Variants in AGPAT3 observed in about 807,000 individuals in gnomAD.
AGPAT3 encodes 1-acylglycerol-3-phosphate O-acyltransferase 3.
AGPAT3 carries 5 observed loss-of-function variants against 47.3 expected under a neutral mutation model. That is an observed-to-expected ratio of 0.11 (90% confidence interval 0.06 to 0.22). The LOEUF is 0.22. Ranked by LOEUF, AGPAT3 falls within the 10% of genes least tolerant of loss-of-function variation. AGPAT3 has a pLI of 1.00. For missense variants in AGPAT3, 315 were observed against 493.0 expected (o/e 0.64, Z 3.42); for synonymous variants, 212 against 208.3 (o/e 1.02, Z -0.15).
At chr21:43,972,884 A>G (rs539243411) in intron 7 of AGPAT3, among the ~76,000 whole-genome samples, 1 of 152,208 alleles carries the variant, frequency 6.6e-6, no homozygotes. Flanking sequence ...CCTCCTTGCC[A>G]CATGTAAAGC....
At chr21:43,887,485 G>C (rs568987448) in intron 1 of AGPAT3, among the ~76,000 whole-genome samples, 2 of 152,218 alleles carry the variant, frequency 1.3e-5, no homozygotes, top group South Asian at 2.1e-4. Context: ...GATGAAGAAG[G>C]CCTTACTCTT....
At chr21:43,940,372 G>A (rs2087614627) in intron 2 of AGPAT3, among the ~76,000 whole-genome samples, 1 of 152,198 alleles carries the variant, frequency 6.6e-6, no homozygotes, top group Admixed American at 6.5e-5. Context: ...CAGTCCTGGG[G>A]GCCTTTACTG....
chr21:43,943,918 G>A (rs560929000), intron 2 of AGPAT3, among the ~76,000 whole-genome samples: 18 of 152,336 alleles, frequency 1.2e-4, no homozygotes, highest in Non-Finnish European at 1.6e-4. Context: ...CTTTCCCGCC[G>A]CATCTTTCAC....
intron 2 of AGPAT3, among the ~76,000 whole-genome samples, chr21:43,909,213 G>A (rs935921874): frequency 6.6e-6 from 1 of 152,140 alleles, no homozygotes; most frequent in Non-Finnish European, 1.5e-5. Context: ...TTCCTCGGAA[G>A]CTACAGGCCC....
chr21:43,884,208 C>A (rs1284637569), intron 1 of AGPAT3, among the ~76,000 whole-genome samples: 1 of 152,056 alleles, frequency 6.6e-6, no homozygotes. Flanking sequence ...CTCCACCACG[C>A]CCTTTGATCT....
At chr21:43,899,710 C>T (rs573346758) in intron 1 of AGPAT3, among the ~76,000 whole-genome samples, 1 of 152,320 alleles carries the variant, frequency 6.6e-6, no homozygotes, top group African/African-American at 2.4e-5. Context: ...GATCACTGGT[C>T]CCCCAGGAGG....
In AGPAT3 at chr21:43,986,566, G is replaced by A. The variant is rs556368645; in HGVS notation, c.*4174G>A. The A allele has an allele frequency of 1.3e-5, 2 of 152,720 alleles. No individual in the cohort carries two copies. The highest frequency in any genetic ancestry group is 4.1e-4 in the South Asian group (2 of 4,828). The allele number at this position is 152,720 out of a possible 1,614,324, so 9.5% of individuals were successfully genotyped here. ...TGCATCTGATCTACTTGTATTTATTGTCTCAGAATTGTACGTTGTGACAAT... is the reference window on the plus strand; with the variant it reads ...TGCATCTGATCTACTTGTATTTATTATCTCAGAATTGTACGTTGTGACAAT... On this transcript the variant is annotated 3_prime_UTR_variant, in exon 10 of 10. Transcript: ENST00000291572.
chr21:43,921,466 C>G (rs1367958646), intron 2 of AGPAT3, among the ~76,000 whole-genome samples: 2 of 152,134 alleles, frequency 1.3e-5, no homozygotes, highest in Admixed American at 1.3e-4. Flanking sequence ...AGCATCCTGA[C>G]CCGGTGGTCA....
Position 43,983,545 on chromosome 21 carries a change from C to T in AGPAT3, c.*1153C>T, listed in dbSNP as rs926025724. 6 of 152,300 alleles carry T rather than the reference C, an allele frequency of 3.9e-5. No homozygotes were observed. The highest frequency in any genetic ancestry group is 5.9e-5 in the Non-Finnish European group (4 of 68,082). The allele number at this position is 152,300 out of a possible 1,614,324, so 9.4% of individuals were successfully genotyped here. The stretch of plus-strand genomic sequence containing the variant: ...CCCTGAGCGCCCAGCTCCCTACCTC[C>T]TGGACGTCTCTGAGAGTCCAGGCAG... On this transcript the variant is annotated 3_prime_UTR_variant, in exon 10 of 10. Coordinates refer to ENST00000291572, the MANE Select transcript of AGPAT3 (RefSeq NM_020132.5).
At chr21:43,967,660 C>G (rs1222452514) in intron 3 of AGPAT3, 1 of 384,136 alleles carries the variant, frequency 2.6e-6, no homozygotes, top group Admixed American at 4.1e-5. Flanking sequence ...CTCGGCCACA[C>G]CAAGGTGCAC....
chr21:43,915,405 C>CCTTTT (rs2086705656), intron 2 of AGPAT3, among the ~76,000 whole-genome samples: 1 of 38,848 alleles, frequency 2.6e-5, no homozygotes, highest in African/African-American at 1.1e-4. Flanking sequence ...TCTTGATTAG[C>CCTTTT]TTTTTTTTTT....
At chr21:43,877,175 T>C (rs887998725) in intron 1 of AGPAT3, among the ~76,000 whole-genome samples, 1 of 152,112 alleles carries the variant, frequency 6.6e-6, no homozygotes, top group Admixed American at 6.6e-5. Context: ...TTTTAACAAT[T>C]GCAAAATGTG....
intron 3 of AGPAT3, among the ~76,000 whole-genome samples, chr21:43,962,980 A>G (rs2838452): frequency 0.2 from 30,571 of 152,154 alleles, 3,472 homozygotes; most frequent in African/African-American, 0.31. Flanking sequence ...ACTTACAGAC[A>G]GGTTTTGTAT....
At chr21:43,871,879 GA>G (rs1366041762) in intron 1 of AGPAT3, among the ~76,000 whole-genome samples, 1 of 152,106 alleles carries the variant, frequency 6.6e-6, no homozygotes, top group African/African-American at 2.4e-5. Context: ...TTGTTTTGGT[GA>G]AAAGATAGTT....
intron 2 of AGPAT3, among the ~76,000 whole-genome samples, chr21:43,923,255 C>A (rs1034179849): frequency 1.3e-5 from 2 of 152,112 alleles, no homozygotes; most frequent in Admixed American, 6.5e-5. Context: ...CTGGGGGGCA[C>A]TCCATGTACC....
chr21:43,907,255 C>T (rs2086522950), intron 2 of AGPAT3, among the ~76,000 whole-genome samples: 1 of 152,076 alleles, frequency 6.6e-6, no homozygotes, highest in Non-Finnish European at 1.5e-5. Context: ...TCTTGAACTC[C>T]TGGGCTCAAG....
rs1039947500 is a variant in AGPAT3 at position 43,934,164 on chromosome 21, C to T, written c.-48-25470C>T. On this transcript the variant is annotated intron_variant, in intron 2 of 9. Coordinates refer to ENST00000291572, the MANE Select transcript of AGPAT3 (RefSeq NM_020132.5). This position sits in a 1 kb window ranked among gnomAD's most constrained non-coding sequence, Gnocchi z 4.7. The stretch of plus-strand genomic sequence containing the variant: ...ATGGGTGCCCGGCACGCCAGCTCCC[C>T]GAGCACCAGCTCCCCTGCCGAGCAC... 5.9e-5 allele frequency among the ~76,000 whole-genome samples: 9 copies of T among 152,244 alleles called. No individual in the cohort carries two copies. Among genetic ancestry groups the T allele is most frequent in the South Asian group, 2.1e-4 (1 of 4,832 alleles).
intron 2 of AGPAT3, among the ~76,000 whole-genome samples, chr21:43,913,677 G>A (rs867955754): frequency 3.3e-5 from 5 of 152,174 alleles, no homozygotes; most frequent in African/African-American, 1.2e-4. Flanking sequence ...GTCCCTTGGC[G>A]GACATTTGGC....
At chr21:43,937,928 G>T (rs1420373747) in intron 2 of AGPAT3, among the ~76,000 whole-genome samples, 1 of 152,152 alleles carries the variant, frequency 6.6e-6, no homozygotes, top group Non-Finnish European at 1.5e-5. Context: ...CAGAGGTTGT[G>T]TGGGCAGCCA....
Sources: allele counts gnomAD v4.1 joint callset (sites outside exome capture counted in the v4.1 genomes callset), GRCh38; gene constraint gnomAD v4.1.1; non-coding constraint Gnocchi (gnomAD v3.1); transcripts MANE v1.5; gene names NCBI Gene and HGNC (gene_info 2026-07-23, HGNC 2026-07-21).